CTBS: variants seen among roughly 807,000 people sequenced by gnomAD.
CTBS encodes chitobiase.
In CTBS, 35 loss-of-function variants were observed where a neutral mutation model predicts 44.3. That is an observed-to-expected ratio of 0.79 (90% CI 0.60 to 1.05). CTBS has a LOEUF of 1.05. Ranked by LOEUF, CTBS falls within the 50% of genes least tolerant of loss-of-function variation. The probability of loss-of-function intolerance (pLI) is 0.00; values close to 1 mark genes in which losing one functional copy is unlikely to be tolerated. For missense variants in CTBS, 458 were observed against 475.3 expected, an observed-to-expected ratio of 0.96 and a Z score of 0.34; for synonymous variants, 143 against 168.0, an observed-to-expected ratio of 0.85 and a Z score of 1.15.
chr1:84,553,134 T>A lies in CTBS; in HGVS notation c.*1865A>T, dbSNP rs949314330. On this transcript the variant is annotated 3_prime_UTR_variant, in exon 7 of 7. Coordinates refer to ENST00000370630, the MANE Select transcript of CTBS (RefSeq NM_004388.3). ...CTACAATCTCAATTAGGTATGTTAA[T>A]TTAAAACTTTTATTTGTAAAAAAAT... 2 of 1,393,000 alleles carry A rather than the reference T, an allele frequency of 1.4e-6. No homozygotes were observed. Among genetic ancestry groups the A allele is most frequent in the African/African-American group, 3.0e-5 (2 of 67,472 alleles). 86.3% of individuals were successfully genotyped at this position (1,393,000 alleles called of 1,614,324 possible). A position where few individuals can be genotyped will look rare whatever the true frequency, so the allele number is the denominator to read the frequency against.
chr1:84,558,414 C>T (rs553396759), intron 6 of CTBS, among the ~76,000 whole-genome samples: 1 of 150,288 alleles, frequency 6.7e-6, no homozygotes. Flanking sequence ...CTCAGCCTCC[C>T]AAGTAGCTGG....
rs982429581 is a variant in CTBS at position 84,563,976 on chromosome 1, A to G, written c.698-144T>C. 9 of 905,652 alleles carry G rather than the reference A, an allele frequency of 9.9e-6. No individual in the cohort carries two copies. The Admixed American group carries it at 3.6e-4, about 37-fold the overall frequency. 56.1% of individuals were successfully genotyped at this position (905,652 alleles called of 1,614,324 possible). Reference sequence around the variant, plus strand: ...AATATTGTTTAATATGTTATAAAACATCCCTTAAGAACCATAAATTCTATA... The same window carrying G: ...AATATTGTTTAATATGTTATAAAACGTCCCTTAAGAACCATAAATTCTATA... On this transcript the variant is annotated intron_variant, in intron 4 of 6. Transcript: ENST00000370630.
chr1:84,565,316 A>G (rs190738040), intron 4 of CTBS, among the ~76,000 whole-genome samples: 3 of 152,244 alleles, frequency 2.0e-5, no homozygotes, highest in African/African-American at 7.2e-5. Context: ...CATCAAATGA[A>G]TGACAGGTCA....
At chr1:84,556,845 A>C (rs1684446186) in intron 6 of CTBS, among the ~76,000 whole-genome samples, 1 of 152,130 alleles carries the variant, frequency 6.6e-6, no homozygotes, top group Non-Finnish European at 1.5e-5. Flanking sequence ...TCCATTCTTT[A>C]ACATTTTTAG....
rs532120429 is a variant in CTBS at position 84,566,894 on chromosome 1, C to G, written c.526-882G>C. Among the ~76,000 whole-genome samples, 18 of 152,288 alleles carry G rather than the reference C, an allele frequency of 1.2e-4. No individual in the cohort carries two copies. The South Asian group carries it at 3.7e-3, about 32-fold the overall frequency. On this transcript the variant is annotated intron_variant, in intron 3 of 6. Transcript: ENST00000370630. ...AGCTGATCTGCCGATCTCAGCCTCC[C>G]AAAGTGCTTACAGGCGTGAGCCACC...
rs753705550 is a variant in CTBS at position 84,555,048 on chromosome 1, T to C, written c.1109A>G (p.Gln370Arg). Reference sequence around the variant, plus strand: ...TAAGACTTCCCACATTTCTTCAGTTTGCTGTTTGGCTACAGCATCTCCAGA... The same window carrying C: ...TAAGACTTCCCACATTTCTTCAGTTCGCTGTTTGGCTACAGCATCTCCAGA... ...DYSGDAVAKQ[Q>R]TEEMWEVLKP... The change falls in exon 7 of 7, where the codon CAA becomes CGA. Residue 370 changes from glutamine (Q) to arginine (R), a missense_variant. By Grantham distance (43) the Gln-to-Arg change is conservative. Coordinates refer to ENST00000370630, the MANE Select transcript of CTBS (RefSeq NM_004388.3). 6.2e-7 allele frequency: 1 copy of C among 1,614,072 alleles called. No homozygotes were observed. Among genetic ancestry groups the C allele is most frequent in the Non-Finnish European group, 8.5e-7 (1 of 1,179,970 alleles).
chr1:84,563,132 A>G, intron 6 of CTBS, 125 bp downstream of exon 6: 3 of 553,862 alleles, frequency 5.4e-6, no homozygotes, highest in Non-Finnish European at 8.7e-6. Flanking sequence ...TACTCATGTA[A>G]ATAGCAGTCT....
intron 6 of CTBS, among the ~76,000 whole-genome samples, chr1:84,559,427 C>A (rs1458738434): frequency 6.6e-6 from 1 of 152,018 alleles, no homozygotes; most frequent in Non-Finnish European, 1.5e-5. Flanking sequence ...TTCAAACCAG[C>A]CTGGCCAACA....
chr1:84,574,247 C>T lies in CTBS; in HGVS notation c.169G>A (p.Asp57Asn). Reference sequence around the variant, plus strand: ...CAGAGGAAGGCGCTGACCTCGAAATCTGGATGGTGGCGAATCGGGCGGCAG... The same window carrying T: ...CAGAGGAAGGCGCTGACCTCGAAATTTGGATGGTGGCGAATCGGGCGGCAG... ...ELCRPIRHHP[D>N]FEVFVFDVGQ... Residue 57 changes from aspartate (D) to asparagine (N), a missense_variant, in exon 1 of 7, where the codon GAT (aspartate) becomes AAT (asparagine). By Grantham distance (23) the Asp-to-Asn change is conservative. Transcript: ENST00000370630. 2 of 1,605,468 alleles carry T rather than the reference C, an allele frequency of 1.2e-6. No homozygotes were observed. The highest frequency in any genetic ancestry group is 1.7e-6 in the Non-Finnish European group (2 of 1,176,816).
chr1:84,574,256 G>A lies in CTBS; in HGVS notation c.160C>T (p.His54Tyr). 1 of 1,603,568 alleles carries A rather than the reference G, an allele frequency of 6.2e-7. No homozygotes were observed. The highest frequency in any genetic ancestry group is 8.5e-7 in the Non-Finnish European group (1 of 1,176,048). ...GCGCTGACCTCGAAATCTGGATGGT[G>A]GCGAATCGGGCGGCAGAGCTCAGGC... ...PEPELCRPIR[H>Y]HPDFEVFVFD... Residue 54 changes from histidine (H) to tyrosine (Y), a missense_variant, in exon 1 of 7, where the codon CAC becomes TAC. His to Tyr is a moderately conservative substitution (Grantham distance 83, BLOSUM62 2). Transcript: ENST00000370630.
At chr1:84,569,609 T>C (rs576090448) in intron 3 of CTBS, among the ~76,000 whole-genome samples, 1 of 152,316 alleles carries the variant, frequency 6.6e-6, no homozygotes, top group South Asian at 2.1e-4. Flanking sequence ...TCCTGGGTTG[T>C]TTCTGTCCTG....
At position 84,566,012 on chromosome 1, in the gene CTBS, C is replaced by A; in HGVS notation, c.526G>T (p.Val176Leu). ...SFHREIEGSQ[V>L]TFDVAWSPKN... ...GGAGACCAAGCTACATCAAAGGTTA[C>A]CTGTGGAAAAAAATCTTACTATTTT... The change falls in exon 4 of 7, where the codon GTA becomes TTA. Residue 176 changes from valine to leucine, a missense_variant and splice_region_variant. Val to Leu is a conservative substitution (Grantham distance 32). Coordinates refer to ENST00000370630, the MANE Select transcript of CTBS (RefSeq NM_004388.3). 6.6e-7 allele frequency: 1 copy of A among 1,514,974 alleles called. No individual in the cohort carries two copies. Among genetic ancestry groups the A allele is most frequent in the South Asian group, 1.4e-5 (1 of 72,790 alleles). 93.8% of individuals were successfully genotyped at this position (1,514,974 alleles called of 1,614,324 possible). A position where few individuals can be genotyped will look rare whatever the true frequency, so the allele number is the denominator to read the frequency against.
Position 84,574,371 on chromosome 1 carries a change from C to A in CTBS, c.45G>T (p.Pro15=). 6.4e-7 allele frequency: 1 copy of A among 1,567,330 alleles called. No homozygotes were observed. The highest frequency in any genetic ancestry group is 8.6e-7 in the Non-Finnish European group (1 of 1,156,758). ...QLRRWRLVSS[P]PSGVPGLALL... ...GCGCTAGACCCGGGACGCCGCTCGG[C>A]GGGCTAGAGACGAGGCGCCAGCGTC... Residue 15 remains proline (P), a synonymous_variant, in exon 1 of 7, where the codon CCG becomes CCT. Coordinates refer to ENST00000370630, the MANE Select transcript of CTBS (RefSeq NM_004388.3).
At chr1:84,561,703 C>T (rs1317338540) in intron 6 of CTBS, among the ~76,000 whole-genome samples, 2 of 152,178 alleles carry the variant, frequency 1.3e-5, no homozygotes, top group Non-Finnish European at 2.9e-5. Flanking sequence ...CAGCAACCAC[C>T]ACCCTGATCA....
At chr1:84,571,436 T>A (rs1168365539) in intron 1 of CTBS, among the ~76,000 whole-genome samples, 1 of 152,254 alleles carries the variant, frequency 6.6e-6, no homozygotes, top group African/African-American at 2.4e-5. Flanking sequence ...ATACATTTAC[T>A]GTTTTTTGTT....
At chr1:84,569,491 A>G (rs1451618527) in intron 3 of CTBS, among the ~76,000 whole-genome samples, 1 of 152,168 alleles carries the variant, frequency 6.6e-6, no homozygotes, top group Admixed American at 6.5e-5. Flanking sequence ...CTATTGTTAT[A>G]GCTGTCACAG....
chr1:84,566,308 T>G (rs1395615070), intron 3 of CTBS: 1 of 161,466 alleles, frequency 6.2e-6, no homozygotes, highest in East Asian at 1.7e-4. Flanking sequence ...GTACCTCAGC[T>G]GATTAAAAGA....
At chr1:84,569,366 T>C (rs969391107) in intron 3 of CTBS, among the ~76,000 whole-genome samples, 1 of 152,204 alleles carries the variant, frequency 6.6e-6, no homozygotes, top group African/African-American at 2.4e-5. Flanking sequence ...AGTTTGAGGA[T>C]CACTGATCTG....
intron 6 of CTBS, among the ~76,000 whole-genome samples, chr1:84,562,256 CTGTG>C (rs1684609246): frequency 6.6e-6 from 1 of 152,150 alleles, no homozygotes; most frequent in Non-Finnish European, 1.5e-5. Context: ...ACATGTGCAT[CTGTG>C]TGTGTAATAT....
Sources: gnomAD v4.1 joint callset for allele counts (sites outside exome capture counted in the v4.1 genomes callset) on GRCh38, gnomAD v4.1.1 for gene constraint, MANE v1.5 for transcripts, NCBI Gene and HGNC (gene_info 2026-07-23, HGNC 2026-07-21) for gene names.